Variants in PLEKHA7 observed in about 807,000 individuals in gnomAD.
The protein encoded by PLEKHA7 is pleckstrin homology domain-containing family A member 7.
Under a neutral mutation model 170.0 loss-of-function variants are expected in PLEKHA7, and 104 were observed. That is an observed-to-expected ratio of 0.61 (90% CI 0.52 to 0.72). PLEKHA7 has a LOEUF of 0.72. Among genes scored for constraint, PLEKHA7 ranks in the 30% least tolerant of loss-of-function variants. PLEKHA7 has a pLI of 0.00. For missense variants in PLEKHA7, 1,615 were observed against 1,671.7 expected, an observed-to-expected ratio of 0.97 and a Z score of 0.59; for synonymous variants, 648 against 660.8, an observed-to-expected ratio of 0.98 and a Z score of 0.30.
intron 3 of PLEKHA7, among the ~76,000 whole-genome samples, chr11:17,010,904 C>G (rs1329333535): frequency 6.6e-6 from 1 of 152,200 alleles, no homozygotes; most frequent in Non-Finnish European, 1.5e-5. Context: ...TCCCAAAACC[C>G]TTAAGTCTCT....
At chr11:16,846,518 T>TG (rs886954960) in intron 8 of PLEKHA7, among the ~76,000 whole-genome samples, 6 of 152,070 alleles carry the variant, frequency 3.9e-5, no homozygotes, top group African/African-American at 9.7e-5. Context: ...ATATTTAAAA[T>TG]GGAACTATGG....
intron 3 of PLEKHA7, among the ~76,000 whole-genome samples, chr11:16,996,982 T>A (rs367863439): frequency 6.6e-6 from 1 of 151,352 alleles, no homozygotes; most frequent in East Asian, 1.9e-4. Flanking sequence ...ACCCTGTGGG[T>A]ATCAGCTTCA....
chr11:16,892,618 TC>T (rs1243268195), intron 3 of PLEKHA7, among the ~76,000 whole-genome samples: 1,289 of 114,352 alleles, frequency 0.011, 30 homozygotes, highest in African/African-American at 0.041. Context: ...GCTTCCAGCT[TC>T]TTTTTTTTTT....
intron 3 of PLEKHA7, among the ~76,000 whole-genome samples, chr11:16,965,001 A>AT (rs1862282832): frequency 4.8e-5 from 2 of 41,984 alleles, no homozygotes; most frequent in South Asian, 2.4e-3. Context: ...GATATACATG[A>AT]TTTAAAAAAA....
In PLEKHA7 at chr11:16,931,766, C is replaced by A. The variant is rs1326792671; in HGVS notation, c.222-60584G>T. Among the ~76,000 whole-genome samples the A allele has an allele frequency of 3.6e-4, 49 of 137,186 alleles. 1 individual carries two copies. The highest frequency in any genetic ancestry group is 2.7e-3 in the Admixed American group (38 of 13,904). The allele number at this position is 137,186 out of a possible 152,430, so 90.0% of individuals were successfully genotyped here. A position where few individuals can be genotyped will look rare whatever the true frequency, so the allele number is the denominator to read the frequency against. On this transcript the variant is annotated intron_variant, in intron 3 of 26. Coordinates refer to ENST00000531066, the MANE Select transcript of PLEKHA7 (RefSeq NM_001329630.2). ...TGAATGAGATTCCATCCCCCCCCCCCCAAAAAAAAAAAAGGGAAGAAGAAG... is the reference window on the plus strand; with the variant it reads ...TGAATGAGATTCCATCCCCCCCCCCACAAAAAAAAAAAAGGGAAGAAGAAG...
intron 3 of PLEKHA7, among the ~76,000 whole-genome samples, chr11:16,924,597 C>T (rs946263003): frequency 8.5e-5 from 13 of 152,132 alleles, no homozygotes; most frequent in African/African-American, 2.9e-4. Flanking sequence ...TGCACCCTTT[C>T]TGCCCTCTGG....
intron 3 of PLEKHA7, among the ~76,000 whole-genome samples, chr11:16,956,946 GAA>G (rs1347566065): frequency 2.0e-5 from 3 of 152,172 alleles, no homozygotes; most frequent in Admixed American, 6.5e-5. Flanking sequence ...TGATCCCAAG[GAA>G]AGTGGTAGGT....
intron 3 of PLEKHA7, among the ~76,000 whole-genome samples, chr11:16,944,699 T>C (rs1429826882): frequency 6.6e-6 from 1 of 152,202 alleles, no homozygotes; most frequent in African/African-American, 2.4e-5. Context: ...GTAAGACTTG[T>C]TGAATTCATG....
intron 3 of PLEKHA7, among the ~76,000 whole-genome samples, chr11:16,991,818 T>C (rs965325884): frequency 6.6e-6 from 1 of 152,166 alleles, no homozygotes; most frequent in Non-Finnish European, 1.5e-5. Context: ...GCTGCTATAC[T>C]AGCAGACGGG....
intron 3 of PLEKHA7, among the ~76,000 whole-genome samples, chr11:16,912,576 G>A (rs567084309): frequency 5.9e-5 from 9 of 152,310 alleles, no homozygotes; most frequent in African/African-American, 1.4e-4. Context: ...TACACTGTAC[G>A]AGACACGGAA....
At position 16,826,371 on chromosome 11, in the gene PLEKHA7, C is replaced by A. The variant is rs763179890; in HGVS notation, c.1092G>T (p.Pro364=). Residue 364 remains proline, a synonymous_variant, in exon 10 of 27, where the codon CCG becomes CCT. Coordinates refer to ENST00000531066, the MANE Select transcript of PLEKHA7 (RefSeq NM_001329630.2). Reference sequence around the variant, plus strand: ...AGGCATCCTCCTCGGCTGGCGAGTACGGAGACCTGGCCTTGCTCCGGTCCC... The same window carrying A: ...AGGCATCCTCCTCGGCTGGCGAGTAAGGAGACCTGGCCTTGCTCCGGTCCC... ...GKRDRSKARS[P]YSPAEEDALF... 6.2e-7 allele frequency: 1 copy of A among 1,614,252 alleles called. No homozygotes were observed. Among genetic ancestry groups the A allele is most frequent in the Non-Finnish European group, 8.5e-7 (1 of 1,180,052 alleles).
intron 3 of PLEKHA7, among the ~76,000 whole-genome samples, chr11:16,917,863 G>A (rs1858809558): frequency 6.6e-6 from 1 of 152,200 alleles, no homozygotes; most frequent in Non-Finnish European, 1.5e-5. Context: ...CATGCTCCAT[G>A]TAGTCCTAAA....
intron 3 of PLEKHA7, among the ~76,000 whole-genome samples, chr11:16,951,349 CATGACG>C (rs1861393503): frequency 6.6e-6 from 1 of 152,080 alleles, no homozygotes; most frequent in Admixed American, 6.6e-5. Flanking sequence ...GGGGAGACAT[CATGACG>C]ATGATGATGA....
chr11:16,866,018 T>C (rs977160740), intron 4 of PLEKHA7, among the ~76,000 whole-genome samples: 10 of 151,444 alleles, frequency 6.6e-5, no homozygotes, highest in African/African-American at 2.4e-4. Flanking sequence ...TTTGTATTTT[T>C]AGTAGAGATG....
At chr11:16,903,152 T>C (rs1179851141) in intron 3 of PLEKHA7, among the ~76,000 whole-genome samples, 2 of 152,222 alleles carry the variant, frequency 1.3e-5, no homozygotes, top group African/African-American at 4.8e-5. Context: ...CTGTATTAAA[T>C]CCATTTCTGT....
At chr11:16,812,679 C>G (rs1021032234) in intron 13 of PLEKHA7, among the ~76,000 whole-genome samples, 3 of 152,196 alleles carry the variant, frequency 2.0e-5, no homozygotes, top group Admixed American at 6.5e-5. Context: ...CGGTGAGCCT[C>G]AAAGCCATGC....
chr11:16,869,935 T>C (rs543922044), intron 4 of PLEKHA7, among the ~76,000 whole-genome samples: 1 of 152,346 alleles, frequency 6.6e-6, no homozygotes, highest in South Asian at 2.1e-4. Context: ...CTAACATCTA[T>C]TTGTTACTTT....
intron 3 of PLEKHA7, among the ~76,000 whole-genome samples, chr11:16,872,759 T>C (rs1441629516): frequency 6.6e-6 from 1 of 152,120 alleles, no homozygotes; most frequent in Non-Finnish European, 1.5e-5. Context: ...GCTCAAGTGA[T>C]CCACCAGGCT....
intron 9 of PLEKHA7, among the ~76,000 whole-genome samples, chr11:16,835,287 G>A (rs1851428318): frequency 6.6e-6 from 1 of 152,104 alleles, no homozygotes; most frequent in Non-Finnish European, 1.5e-5. Flanking sequence ...AAAAGTGAGA[G>A]TTGCAGTGAG....
Sources: allele counts gnomAD v4.1 joint callset (sites outside exome capture counted in the v4.1 genomes callset), GRCh38; gene constraint gnomAD v4.1.1; transcripts MANE v1.5; gene names NCBI Gene and HGNC (gene_info 2026-07-23, HGNC 2026-07-21).